The following CAMSAP2 variants were observed in gnomAD, a reference collection of about 807,000 sequenced individuals.
The protein encoded by CAMSAP2 is calmodulin regulated spectrin associated protein family member 2.
A neutral mutation model predicts 146.1 loss-of-function variants in CAMSAP2; 26 were observed. That is an observed-to-expected ratio of 0.18 (90% CI 0.13 to 0.25). CAMSAP2 has a LOEUF of 0.25. CAMSAP2 is among the 10% of genes least tolerant of loss of function. CAMSAP2 has a pLI of 1.00. For missense variants in CAMSAP2, 1,381 were observed against 1,759.3 expected, an observed-to-expected ratio of 0.78 and a Z score of 3.85; for synonymous variants, 499 against 596.6, an observed-to-expected ratio of 0.84 and a Z score of 2.38.
chr1:200,847,340 C>A (rs1460621592), intron 9 of CAMSAP2, 48 bp downstream of exon 9: 3 of 1,295,078 alleles, frequency 2.3e-6, no homozygotes, highest in South Asian at 1.3e-5. Flanking sequence ...AAGTAGGTTA[C>A]CTGGGAAATG....
At chr1:200,811,163 A>C (rs2102153989) in intron 3 of CAMSAP2, among the ~76,000 whole-genome samples, 1 of 152,292 alleles carries the variant, frequency 6.6e-6, no homozygotes, top group Non-Finnish European at 1.5e-5. Context: ...TTGAAGTTTC[A>C]GTGGAAAACC....
At chr1:200,779,822 AATAACT>A (rs1485769078) in intron 2 of CAMSAP2, among the ~76,000 whole-genome samples, 4 of 152,134 alleles carry the variant, frequency 2.6e-5, no homozygotes, top group Admixed American at 2.6e-4. Context: ...CAATGTGTTT[AATAACT>A]ATAGAATATC....
At chr1:200,841,474 C>T (rs1006251703) in intron 6 of CAMSAP2, among the ~76,000 whole-genome samples, 1 of 152,216 alleles carries the variant, frequency 6.6e-6, no homozygotes, top group African/African-American at 2.4e-5. Flanking sequence ...TCTCAAACTC[C>T]TGACCTCGTG....
chr1:200,843,931 G>T (rs571751473), intron 7 of CAMSAP2, among the ~76,000 whole-genome samples: 99 of 152,032 alleles, frequency 6.5e-4, no homozygotes, highest in African/African-American at 2.2e-3. Context: ...GAGTGCAGTG[G>T]CACAATCTCG....
At chr1:200,785,103 C>T (rs906623996) in intron 2 of CAMSAP2, among the ~76,000 whole-genome samples, 3 of 152,120 alleles carry the variant, frequency 2.0e-5, no homozygotes, top group Non-Finnish European at 4.4e-5. Context: ...TGGAGTTAAA[C>T]TCAGTTGGTC....
At chr1:200,814,974 T>TTA (rs1171935481) in intron 3 of CAMSAP2, among the ~76,000 whole-genome samples, 3 of 152,170 alleles carry the variant, frequency 2.0e-5, no homozygotes, top group Non-Finnish European at 4.4e-5. Context: ...TTTTTTTTTT[T>TTA]TAAACTGTTT....
Position 200,832,903 on chromosome 1 carries a change from A to C in CAMSAP2, c.927+58A>C, listed in dbSNP as rs983268438. 4 of 1,433,790 alleles carry C rather than the reference A, an allele frequency of 2.8e-6. No homozygotes were observed. In the African/African-American group the frequency reaches 5.8e-5, roughly 21 times the overall value. The allele number at this position is 1,433,790 out of a possible 1,614,324, so 88.8% of individuals were successfully genotyped here. A position where few individuals can be genotyped will look rare whatever the true frequency, so the allele number is the denominator to read the frequency against. On this transcript the variant is annotated intron_variant, in intron 6 of 16. Coordinates refer to ENST00000358823, the MANE Select transcript of CAMSAP2 (RefSeq NM_203459.4). This position sits in a 1 kb window ranked among gnomAD's most constrained non-coding sequence, Gnocchi z 4.2. ...TTGTTAAAATATGTTTTTTTAAAAAACAAACAAAAACACCGGGAACAGTGG... is the reference window on the plus strand; with the variant it reads ...TTGTTAAAATATGTTTTTTTAAAAACCAAACAAAAACACCGGGAACAGTGG...
chr1:200,853,884 C>T lies in CAMSAP2; in HGVS notation c.3823+389C>T, dbSNP rs1407603055. ...ATGCAAGATCAAGAGTTCACAAGTC[C>T]CTCCTTCAAGATAGAAATGGTTGAA... is the stretch of plus-strand genomic sequence containing the variant. On this transcript the variant is annotated intron_variant, in intron 13 of 16. Coordinates refer to ENST00000358823, the MANE Select transcript of CAMSAP2 (RefSeq NM_203459.4). The surrounding 1 kb of genome is among the most constrained non-coding windows in gnomAD (Gnocchi z 5.1). 1.3e-5 allele frequency among the ~76,000 whole-genome samples: 2 copies of T among 152,044 alleles called. 1 individual carries two copies. Among genetic ancestry groups the T allele is most frequent in the East Asian group, 3.8e-4 (2 of 5,200 alleles).
intron 1 of CAMSAP2, among the ~76,000 whole-genome samples, chr1:200,758,653 C>A (rs1448150920): frequency 6.6e-6 from 1 of 152,138 alleles, no homozygotes; most frequent in Non-Finnish European, 1.5e-5. Flanking sequence ...TGGATATTTC[C>A]ACTTGGATAT....
intron 1 of CAMSAP2, among the ~76,000 whole-genome samples, chr1:200,756,758 T>A (rs189122180): frequency 2.7e-3 from 416 of 152,288 alleles, no homozygotes; most frequent in African/African-American, 9.2e-3. Flanking sequence ...CTGGGAGTAC[T>A]TTCAGGAAAA....
rs1667799013 is a variant in CAMSAP2 at position 200,858,393 on chromosome 1, T to G, written c.*334T>G. 5.1e-6 allele frequency: 1 copy of G among 198,018 alleles called. No homozygotes were observed. The allele number at this position is 198,018 out of a possible 1,614,324, so 12.3% of individuals were successfully genotyped here. On this transcript the variant is annotated 3_prime_UTR_variant, in exon 17 of 17. Coordinates refer to ENST00000358823, the MANE Select transcript of CAMSAP2 (RefSeq NM_203459.4). ...TTTATCATTGAAATATGGTTAAGAT[T>G]ACAAATTATGTGTTTTATTTGTTGC...
At chr1:200,826,124 C>G (rs1316522718) in intron 4 of CAMSAP2, among the ~76,000 whole-genome samples, 1 of 152,038 alleles carries the variant, frequency 6.6e-6, no homozygotes, top group African/African-American at 2.4e-5. Flanking sequence ...TTTGGATCTG[C>G]AACAGCTAGG....
chr1:200,858,066 G>A lies in CAMSAP2; in HGVS notation c.*7G>A. 1.3e-6 allele frequency: 2 copies of A among 1,545,868 alleles called. No homozygotes were observed. Among genetic ancestry groups the A allele is most frequent in the African/African-American group, 1.4e-5 (1 of 71,994 alleles). On this transcript the variant is annotated 3_prime_UTR_variant, in exon 17 of 17. Transcript: ENST00000358823. ...TTTACCCACTAAGGCATAGAAGTTG[G>A]GAAATACTTGCTTCAGAACATTCAT...
At chr1:200,767,676 C>T (rs1664993778) in intron 2 of CAMSAP2, among the ~76,000 whole-genome samples, 1 of 152,084 alleles carries the variant, frequency 6.6e-6, no homozygotes, top group Non-Finnish European at 1.5e-5. Flanking sequence ...AATTTCTGGT[C>T]ACCCTTGTAT....
chr1:200,820,322 C>T (rs2102188960), intron 4 of CAMSAP2, among the ~76,000 whole-genome samples: 1 of 152,242 alleles, frequency 6.6e-6, no homozygotes, highest in Non-Finnish European at 1.5e-5. Flanking sequence ...TCCCAAAGTG[C>T]TGGGATTATA....
At chr1:200,800,827 C>T (rs1229174469) in intron 2 of CAMSAP2, among the ~76,000 whole-genome samples, 1 of 152,146 alleles carries the variant, frequency 6.6e-6, no homozygotes, top group Non-Finnish European at 1.5e-5. Flanking sequence ...ACATTTAGTG[C>T]TTCCTTCAGG....
intron 2 of CAMSAP2, among the ~76,000 whole-genome samples, chr1:200,779,459 G>A (rs988283122): frequency 6.6e-6 from 1 of 152,182 alleles, no homozygotes; most frequent in African/African-American, 2.4e-5. Context: ...GGTTTAGGAT[G>A]CCTTCAGGAC....
At chr1:200,750,283 G>T (rs1273456308) in intron 1 of CAMSAP2, among the ~76,000 whole-genome samples, 1 of 152,156 alleles carries the variant, frequency 6.6e-6, no homozygotes, top group African/African-American at 2.4e-5. Flanking sequence ...ATTTATGGTT[G>T]AAGGAGAGGG....
At chr1:200,826,492 A>G (rs1454408543) in intron 4 of CAMSAP2, among the ~76,000 whole-genome samples, 1 of 152,098 alleles carries the variant, frequency 6.6e-6, no homozygotes, top group African/African-American at 2.4e-5. Context: ...AGTCACAGCC[A>G]TGATTAACTC....
Sources: gnomAD v4.1 joint callset for allele counts (sites outside exome capture counted in the v4.1 genomes callset) on GRCh38, gnomAD v4.1.1 for gene constraint, Gnocchi (gnomAD v3.1) non-coding constraint, MANE v1.5 for transcripts, NCBI Gene and HGNC (gene_info 2026-07-23, HGNC 2026-07-21) for gene names.